OOSP1: variants seen among roughly 807,000 people sequenced by gnomAD.
OOSP1 encodes oocyte secreted protein 1.
A neutral mutation model predicts 5.7 loss-of-function variants in OOSP1; 11 were observed. The observed-to-expected ratio is 1.94, with a 90% CI of 1.22 to 3.20. OOSP1 has a LOEUF of 3.20. Among genes scored for constraint, OOSP1 ranks in the 30% most tolerant of loss-of-function variants. The pLI, the probability that OOSP1 is intolerant of heterozygous loss-of-function variation, is 0.00. For missense variants in OOSP1, 83 were observed against 54.1 expected (o/e 1.53, Z -1.67); for synonymous variants, 44 against 20.0 (o/e 2.20, Z -3.20).
intron 2 of OOSP1, among the ~76,000 whole-genome samples, chr11:59,944,539 A>G (rs1853863274): frequency 6.6e-6 from 1 of 152,148 alleles, no homozygotes; most frequent in South Asian, 2.1e-4. Context: ...ATATCCTCCT[A>G]TGCTGTCAAA....
chr11:59,947,738 A>G (rs1853900403), exon 4 of OOSP1: 3 of 398,776 alleles, frequency 7.5e-6, no homozygotes, highest in East Asian at 7.1e-5. Flanking sequence ...TTTAGTCAGC[A>G]TCATCTTTTA....
intron 4 of OOSP1, among the ~76,000 whole-genome samples, chr11:59,955,743 C>T (rs1853988869): frequency 6.6e-6 from 1 of 152,064 alleles, no homozygotes. Flanking sequence ...GCAATCCTCC[C>T]ACTTCTCAGT....
chr11:59,952,162 A>G (rs1364381297), intron 4 of OOSP1, among the ~76,000 whole-genome samples: 4 of 152,164 alleles, frequency 2.6e-5, no homozygotes, highest in Non-Finnish European at 5.9e-5. Flanking sequence ...TATTTATTAT[A>G]AAGTTATTTA....
At chr11:59,947,891 T>C (rs1385698437) in intron 4 of OOSP1, 29 bp downstream of exon 4, 2 of 398,496 alleles carry the variant, frequency 5.0e-6, no homozygotes, top group Admixed American at 4.4e-5. Flanking sequence ...TGGCATCTTA[T>C]GATTTTTGTC....
intron 2 of OOSP1, 85 bp downstream of exon 2, chr11:59,943,113 A>G (rs1853848096): frequency 1.7e-6 from 1 of 574,218 alleles, no homozygotes; most frequent in Non-Finnish European, 3.2e-6. Flanking sequence ...TCATTGCTCA[A>G]TTCCCACCTA....
At chr11:59,949,594 G>C (rs917979723) in intron 4 of OOSP1, among the ~76,000 whole-genome samples, 2 of 152,104 alleles carry the variant, frequency 1.3e-5, no homozygotes, top group Non-Finnish European at 2.9e-5. Context: ...AGTCATACAG[G>C]TGAGGTCTTA....
chr11:59,954,631 A>ATCTG (rs1453547193), intron 4 of OOSP1, among the ~76,000 whole-genome samples: 1 of 129,180 alleles, frequency 7.7e-6, no homozygotes, highest in Non-Finnish European at 1.6e-5. Context: ...AAGGGACTTT[A>ATCTG]TCTATCTATC....
chr11:59,952,429 A>G (rs1853949489), intron 4 of OOSP1, among the ~76,000 whole-genome samples: 2 of 152,178 alleles, frequency 1.3e-5, no homozygotes, highest in South Asian at 4.1e-4. Flanking sequence ...TGGTCCATAT[A>G]TATACCATGG....
chr11:59,946,289 C>T (rs1489849035), intron 3 of OOSP1, among the ~76,000 whole-genome samples: 1 of 152,200 alleles, frequency 6.6e-6, no homozygotes, highest in Non-Finnish European at 1.5e-5. Flanking sequence ...ACAGTTGCAT[C>T]CCCAAACCAT....
At chr11:59,948,940 G>A (rs1853913897) in intron 4 of OOSP1, 1 of 394,318 alleles carries the variant, frequency 2.5e-6, no homozygotes, top group African/African-American at 2.1e-5. Context: ...AAAGCAGGCT[G>A]CCTTCCACTA....
intron 4 of OOSP1, among the ~76,000 whole-genome samples, chr11:59,953,098 T>A (rs1208253951): frequency 6.6e-6 from 1 of 152,144 alleles, no homozygotes; most frequent in African/African-American, 2.4e-5. Context: ...TTTCCTCCAG[T>A]GAGTTTGATT....
At chr11:59,950,652 T>A (rs2134572242) in intron 4 of OOSP1, among the ~76,000 whole-genome samples, 1 of 152,238 alleles carries the variant, frequency 6.6e-6, no homozygotes, top group African/African-American at 2.4e-5. Flanking sequence ...GTCCATTAGA[T>A]CCAGCAATGT....
chr11:59,951,694 C>T (rs987426807), intron 4 of OOSP1, among the ~76,000 whole-genome samples: 2 of 143,102 alleles, frequency 1.4e-5, no homozygotes, highest in Non-Finnish European at 3.0e-5. Context: ...ATGTGCGTGT[C>T]GAAGAAATGA....
chr11:59,943,077 G>A (rs572131188), intron 2 of OOSP1, 49 bp downstream of exon 2: 259 of 692,330 alleles, frequency 3.7e-4, no homozygotes, highest in Admixed American at 6.7e-4. Context: ...GGTGTGTGAT[G>A]TTCCCCTTCC....
intron 4 of OOSP1, among the ~76,000 whole-genome samples, chr11:59,952,782 T>C (rs1853953072): frequency 6.6e-6 from 1 of 152,140 alleles, no homozygotes; most frequent in Non-Finnish European, 1.5e-5. Flanking sequence ...CCCCCAAAGC[T>C]ATTGAAACCA....
chr11:59,945,407 T>A, intron 3 of OOSP1, 141 bp downstream of exon 3: 1 of 693,290 alleles, frequency 1.4e-6, no homozygotes, highest in South Asian at 1.5e-5. Context: ...AACACAGATC[T>A]CTTGATCCTT....
chr11:59,948,232 G>A (rs1438687533), intron 4 of OOSP1, among the ~76,000 whole-genome samples: 1 of 152,174 alleles, frequency 6.6e-6, no homozygotes, highest in Non-Finnish European at 1.5e-5. Flanking sequence ...ATATGTTGAT[G>A]ATCCCTGGGA....
At chr11:59,947,763 G>A (rs1308626889) in exon 4 of OOSP1, 3 of 398,750 alleles carry the variant, frequency 7.5e-6, no homozygotes, top group African/African-American at 6.2e-5. Context: ...CAGTTGAAAT[G>A]AGAGATGGGG....
intron 4 of OOSP1, among the ~76,000 whole-genome samples, chr11:59,955,445 A>G (rs902872768): frequency 2.0e-5 from 3 of 152,196 alleles, no homozygotes; most frequent in Non-Finnish European, 4.4e-5. Flanking sequence ...TTCAGGGAAA[A>G]TACAAAATTT....
Sources: gnomAD v4.1 joint callset for allele counts (sites outside exome capture counted in the v4.1 genomes callset) on GRCh38, gnomAD v4.1.1 for gene constraint, MANE v1.5 for transcripts, NCBI Gene and HGNC (gene_info 2026-07-23, HGNC 2026-07-21) for gene names.